The following CDKAL1 variants were observed in gnomAD, a reference collection of about 807,000 sequenced individuals.
CDKAL1 encodes the protein CDKAL1 threonylcarbamoyladenosine tRNA methylthiotransferase.
A neutral mutation model predicts 68.2 loss-of-function variants in CDKAL1; 32 were observed. That is an observed-to-expected ratio of 0.47 (90% CI 0.35 to 0.63). The LOEUF (loss-of-function observed/expected upper bound fraction) is 0.63. CDKAL1 is among the 30% of genes least tolerant of loss of function. CDKAL1 has a pLI of 0.00. For synonymous variants in CDKAL1, 234 were observed against 244.3 expected, an observed-to-expected ratio of 0.96 and a Z score of 0.39; for missense variants, 606 against 696.7, an observed-to-expected ratio of 0.87 and a Z score of 1.47.
At chr6:20,659,594 A>G (rs1180520932) in intron 5 of CDKAL1, among the ~76,000 whole-genome samples, 1 of 152,018 alleles carries the variant, frequency 6.6e-6, no homozygotes, top group Non-Finnish European at 1.5e-5. Flanking sequence ...ATCTCCTTCC[A>G]CTGTTTGGAT....
At chr6:20,821,017 G>A (rs1338196424) in intron 8 of CDKAL1, among the ~76,000 whole-genome samples, 1 of 152,026 alleles carries the variant, frequency 6.6e-6, no homozygotes, top group Non-Finnish European at 1.5e-5. Flanking sequence ...AAGTGAGGGA[G>A]AGAGCCAGGA....
intron 12 of CDKAL1, among the ~76,000 whole-genome samples, chr6:21,087,868 G>A (rs1230061187): frequency 2.0e-5 from 3 of 151,962 alleles, no homozygotes; most frequent in East Asian, 1.9e-4. Context: ...ATGATTCTCC[G>A]AAGTTACACC....
chr6:20,950,278 C>G (rs1299340357), intron 9 of CDKAL1, among the ~76,000 whole-genome samples: 1 of 151,926 alleles, frequency 6.6e-6, no homozygotes, highest in Non-Finnish European at 1.5e-5. Context: ...CCATGTGCCA[C>G]CACGCCCGGC....
chr6:20,908,994 C>T (rs1017346373), intron 9 of CDKAL1, among the ~76,000 whole-genome samples: 1 of 152,266 alleles, frequency 6.6e-6, no homozygotes, highest in East Asian at 1.9e-4. Flanking sequence ...TGTTTCAATG[C>T]ATTTTTGAAC....
chr6:20,805,111 C>T (rs1463542879), intron 8 of CDKAL1, among the ~76,000 whole-genome samples: 1 of 152,192 alleles, frequency 6.6e-6, no homozygotes, highest in Non-Finnish European at 1.5e-5. Context: ...ATGTGTGTTA[C>T]TGCATTTCAC....
intron 4 of CDKAL1, among the ~76,000 whole-genome samples, chr6:20,639,292 C>T (rs190499084): frequency 8.5e-5 from 13 of 152,218 alleles, no homozygotes; most frequent in South Asian, 4.2e-4. Flanking sequence ...AAGTAATCTC[C>T]GAGAATAACT....
At chr6:21,091,531 G>C (rs1027497342) in intron 12 of CDKAL1, among the ~76,000 whole-genome samples, 1 of 152,132 alleles carries the variant, frequency 6.6e-6, no homozygotes, top group Non-Finnish European at 1.5e-5. Context: ...CAGCTCAGGC[G>C]TACAGCTCAG....
At chr6:21,184,194 AC>A (rs199842269) in intron 13 of CDKAL1, among the ~76,000 whole-genome samples, 17,572 of 131,350 alleles carry the variant, frequency 0.13, 1,226 homozygotes, top group Non-Finnish European at 0.16. Context: ...CATTTCTTTG[AC>A]CTTTTTTTTT....
chr6:20,716,488 G>T (rs1477198634), intron 5 of CDKAL1, among the ~76,000 whole-genome samples: 1 of 152,066 alleles, frequency 6.6e-6, no homozygotes, highest in Non-Finnish European at 1.5e-5. Context: ...GAAGGGCTTG[G>T]ATTTGAATTC....
chr6:21,144,901 C>T (rs965909454), intron 13 of CDKAL1, among the ~76,000 whole-genome samples: 5 of 152,164 alleles, frequency 3.3e-5, no homozygotes, highest in South Asian at 4.2e-4. Flanking sequence ...CCTAGCTTTA[C>T]ATATTTTCTA....
chr6:20,822,976 A>G (rs1561807010), intron 8 of CDKAL1, among the ~76,000 whole-genome samples: 1 of 152,140 alleles, frequency 6.6e-6, no homozygotes. Flanking sequence ...ATTAAATACA[A>G]ACTTCTCAGC....
chr6:20,993,271 T>C (rs1018339351), intron 10 of CDKAL1, among the ~76,000 whole-genome samples: 3 of 152,214 alleles, frequency 2.0e-5, no homozygotes, highest in African/African-American at 7.2e-5. Context: ...TTCAAACTAT[T>C]TTAAAAATAT....
chr6:20,867,516 C>T (rs1759973798), intron 9 of CDKAL1, among the ~76,000 whole-genome samples: 1 of 152,278 alleles, frequency 6.6e-6, no homozygotes, highest in Non-Finnish European at 1.5e-5. Context: ...TTTATAGTTG[C>T]AGCCCAGACA....
intron 15 of CDKAL1, among the ~76,000 whole-genome samples, chr6:21,222,165 C>A (rs1277123091): frequency 6.6e-6 from 1 of 152,172 alleles, no homozygotes; most frequent in Non-Finnish European, 1.5e-5. Context: ...AAGATAAAAA[C>A]CCACCCGTGA....
intron 10 of CDKAL1, among the ~76,000 whole-genome samples, chr6:20,977,280 TTAGA>T (rs1765886624): frequency 6.6e-6 from 1 of 152,202 alleles, no homozygotes; most frequent in African/African-American, 2.4e-5. Flanking sequence ...TTTATTTATG[TTAGA>T]TATATGATAG....
At chr6:21,184,823 A>ATTTTTTTTT (rs34599800) in intron 13 of CDKAL1, among the ~76,000 whole-genome samples, 1 of 101,646 alleles carries the variant, frequency 9.8e-6, no homozygotes, top group African/African-American at 4.1e-5. Context: ...CGTGCAGCTA[A>ATTTTTTTTT]TTTTTTTTTT....
chr6:20,873,946 G>A (rs986391871), intron 9 of CDKAL1, among the ~76,000 whole-genome samples: 2 of 152,210 alleles, frequency 1.3e-5, no homozygotes, highest in Non-Finnish European at 2.9e-5. Context: ...TTAAGGAGTA[G>A]TAGGGCAGGT....
At chr6:20,852,235 G>A (rs750824685) in intron 9 of CDKAL1, among the ~76,000 whole-genome samples, 27 of 152,114 alleles carry the variant, frequency 1.8e-4, no homozygotes, top group Non-Finnish European at 3.2e-4. Context: ...CAACTGTTGA[G>A]TCCTGGCTCT....
intron 13 of CDKAL1, among the ~76,000 whole-genome samples, chr6:21,135,997 T>G (rs1775576439): frequency 6.6e-6 from 1 of 152,242 alleles, no homozygotes. Context: ...TTTGTAACAT[T>G]TTAATGAATC....
Sources: gnomAD v4.1 joint callset for allele counts (sites outside exome capture counted in the v4.1 genomes callset) on GRCh38, gnomAD v4.1.1 for gene constraint, MANE v1.5 for transcripts, NCBI Gene and HGNC (gene_info 2026-07-23, HGNC 2026-07-21) for gene names.